ZNF354B: variants seen among roughly 807,000 people sequenced by gnomAD.
ZNF354B encodes zinc finger protein 354B.
In ZNF354B, 10 loss-of-function variants were observed where a neutral mutation model predicts 12.9. That is an observed-to-expected ratio of 0.77 (90% CI 0.48 to 1.31). ZNF354B has a LOEUF of 1.31. Ranked by LOEUF, ZNF354B falls within the 40% of genes most tolerant of loss-of-function variation. ZNF354B has a pLI of 0.00. For missense variants in ZNF354B, 614 were observed against 711.7 expected (o/e 0.86, Z 1.56); for synonymous variants, 260 against 243.7 (o/e 1.07, Z -0.62).
At chr5:178,872,622 A>G (rs78977769) in intron 4 of ZNF354B, among the ~76,000 whole-genome samples, 49,976 of 151,992 alleles carry the variant, frequency 0.33, 8,576 homozygotes, top group African/African-American at 0.36. Context: ...GAATGATCCA[A>G]TGTTGTTACA....
intron 3 of ZNF354B, 84 bp downstream of exon 3, chr5:178,866,454 C>G (rs1757457961): frequency 1.3e-6 from 2 of 1,525,864 alleles, no homozygotes; most frequent in Middle Eastern, 1.8e-4. Context: ...CAGTTGATCA[C>G]TGAAAAATTT....
At chr5:178,880,713 T>C (rs988152165) in intron 4 of ZNF354B, among the ~76,000 whole-genome samples, 1 of 151,802 alleles carries the variant, frequency 6.6e-6, no homozygotes, top group African/African-American at 2.4e-5. Context: ...CAGGCTGATC[T>C]CGAACTCCTA....
chr5:178,882,812 A>G lies in ZNF354B; in HGVS notation c.360A>G (p.Ile120Met). The G allele has an allele frequency of 6.2e-7, 1 of 1,604,748 alleles. No homozygotes were observed. Among genetic ancestry groups the G allele is most frequent in the South Asian group, 1.1e-5 (1 of 87,634 alleles). ...AAAGGGATGAACCCTGGAACTTCATATCAGAAAGATCCTGCATATATGAAG... is the reference window on the plus strand; with the variant it reads ...AAAGGGATGAACCCTGGAACTTCATGTCAGAAAGATCCTGCATATATGAAG... ...RLKRDEPWNFISERSCIYEEK... is the reference protein window; with the variant it reads ...RLKRDEPWNFMSERSCIYEEK... Residue 120 changes from isoleucine to methionine, a missense_variant, in exon 5 of 5, where the codon ATA becomes ATG. By Grantham distance (10) the Ile-to-Met change is conservative. Coordinates refer to ENST00000322434, the MANE Select transcript of ZNF354B (RefSeq NM_058230.3).
rs141499272 is a variant in ZNF354B at position 178,865,849 on chromosome 5, G to GT, written c.34-386dup. On this transcript the variant is annotated intron_variant, in intron 2 of 4. Coordinates refer to ENST00000322434, the MANE Select transcript of ZNF354B (RefSeq NM_058230.3). ...TCAGTGAGTATTTAGGTTGTTTCCT[G>GT]TTTTTTTTTGCTACTAACACCATGA... 9.5e-4 allele frequency among the ~76,000 whole-genome samples: 143 copies of GT among 150,432 alleles called. 1 individual carries two copies. Among genetic ancestry groups the GT allele is most frequent in the South Asian group, 5.7e-3 (27 of 4,728 alleles).
chr5:178,877,800 C>T (rs1031677219), intron 4 of ZNF354B, among the ~76,000 whole-genome samples: 1 of 152,152 alleles, frequency 6.6e-6, no homozygotes, highest in Non-Finnish European at 1.5e-5. Flanking sequence ...CTTGACTGGC[C>T]AGGCCTTCCC....
intron 2 of ZNF354B, among the ~76,000 whole-genome samples, chr5:178,862,029 A>G (rs1398957920): frequency 6.6e-6 from 1 of 152,086 alleles, no homozygotes; most frequent in Non-Finnish European, 1.5e-5. Flanking sequence ...GTAGATAGAA[A>G]CTGCTGTACA....
chr5:178,865,800 G>GT (rs1757438814), intron 2 of ZNF354B, among the ~76,000 whole-genome samples: 3 of 152,034 alleles, frequency 2.0e-5, no homozygotes, highest in Non-Finnish European at 2.9e-5. Context: ...AGGTAGTGCC[G>GT]TAAGTTATTT....
chr5:178,881,453 T>C (rs1235921644), intron 4 of ZNF354B, among the ~76,000 whole-genome samples: 2 of 152,194 alleles, frequency 1.3e-5, no homozygotes, highest in East Asian at 3.8e-4. Flanking sequence ...CATCCAAGAA[T>C]AGGAGAGGTG....
intron 4 of ZNF354B, among the ~76,000 whole-genome samples, chr5:178,871,986 T>C (rs898323361): frequency 2.0e-5 from 3 of 152,204 alleles, no homozygotes; most frequent in Non-Finnish European, 4.4e-5. Flanking sequence ...TCTATGTCCC[T>C]TATACTCATT....
In ZNF354B at chr5:178,883,105, C is replaced by G; in HGVS notation, c.653C>G (p.Thr218Arg). The change falls in exon 5 of 5, where the codon ACA becomes AGA. Residue 218 changes from threonine (T) to arginine (R), a missense_variant. Coordinates refer to ENST00000322434, the MANE Select transcript of ZNF354B (RefSeq NM_058230.3). ...KTAEKRYKCS[T>R]CEKAFIHNSS... ...GCAGAGAAACGCTATAAATGCAGTA[C>G]ATGTGAAAAAGCCTTCATTCACAAT... The G allele has an allele frequency of 6.2e-7, 1 of 1,610,644 alleles. No homozygotes were observed. The highest frequency in any genetic ancestry group is 8.5e-7 in the Non-Finnish European group (1 of 1,179,254).
At chr5:178,878,166 G>A (rs972509360) in intron 4 of ZNF354B, among the ~76,000 whole-genome samples, 13 of 151,976 alleles carry the variant, frequency 8.6e-5, no homozygotes, top group South Asian at 6.2e-4. Context: ...GGCGGATCAC[G>A]AGGTCAGGAG....
intron 2 of ZNF354B, among the ~76,000 whole-genome samples, chr5:178,862,328 G>A (rs1271699403): frequency 6.6e-6 from 1 of 150,954 alleles, no homozygotes; most frequent in African/African-American, 2.4e-5. Flanking sequence ...ATGCAGCCAC[G>A]CGATACCAGA....
intron 4 of ZNF354B, among the ~76,000 whole-genome samples, chr5:178,874,746 G>A (rs1005790023): frequency 6.6e-6 from 1 of 152,230 alleles, no homozygotes; most frequent in Admixed American, 6.5e-5. Context: ...CATTTCAGCC[G>A]CTTAGGAGCC....
intron 4 of ZNF354B, among the ~76,000 whole-genome samples, chr5:178,876,956 A>T (rs1757647573): frequency 6.8e-6 from 1 of 147,108 alleles, no homozygotes; most frequent in Non-Finnish European, 1.5e-5. Context: ...ACAGTGTTGC[A>T]ACTCGGGATC....
chr5:178,867,701 G>A (rs998484475), intron 4 of ZNF354B, among the ~76,000 whole-genome samples: 2 of 152,110 alleles, frequency 1.3e-5, no homozygotes, highest in Non-Finnish European at 2.9e-5. Context: ...TTGTTGGGAC[G>A]CCACCATTTA....
At chr5:178,872,777 T>G (rs575376977) in intron 4 of ZNF354B, among the ~76,000 whole-genome samples, 3 of 152,320 alleles carry the variant, frequency 2.0e-5, no homozygotes, top group African/African-American at 7.2e-5. Context: ...GCCATTTGTA[T>G]TTCCTTTTTT....
Position 178,884,626 on chromosome 5 carries a change from AACT to A in ZNF354B, c.*340_*342del, listed in dbSNP as rs530448228. 4.7e-3 allele frequency: 833 copies of A among 176,058 alleles called. 7 individuals are homozygous for A. Among genetic ancestry groups the A allele is most frequent in the African/African-American group, 0.018 (760 of 42,406 alleles). 10.9% of individuals were successfully genotyped at this position (176,058 alleles called of 1,614,324 possible). A position where few individuals can be genotyped will look rare whatever the true frequency, so the allele number is the denominator to read the frequency against. ...TTTTCATTAGAAAAACATTTGTATA[AACT>A]ACTATTATATAAATATAAGCATATT... On this transcript the variant is annotated 3_prime_UTR_variant, in exon 5 of 5. Transcript: ENST00000322434.
intron 4 of ZNF354B, among the ~76,000 whole-genome samples, chr5:178,868,730 T>G (rs895360846): frequency 2.6e-5 from 4 of 152,042 alleles, no homozygotes; most frequent in African/African-American, 9.7e-5. Context: ...CCGAGCACTT[T>G]GGGAGGCCGA....
rs1757775337 is a variant in ZNF354B, at chr5:178,884,658, T to G, written c.*367T>G. The G allele has an allele frequency of 6.2e-6, 1 of 160,752 alleles. No homozygotes were observed. The allele number at this position is 160,752 out of a possible 1,614,324, so 10.0% of individuals were successfully genotyped here. A position where few individuals can be genotyped will look rare whatever the true frequency, so the allele number is the denominator to read the frequency against. On this transcript the variant is annotated 3_prime_UTR_variant, in exon 5 of 5. Transcript: ENST00000322434. Reference sequence around the variant, plus strand: ...ATTATATAAATATAAGCATATTTATTACAGCAAACATTTTAATAGCAAACA... The same window carrying G: ...ATTATATAAATATAAGCATATTTATGACAGCAAACATTTTAATAGCAAACA...
Sources: allele counts gnomAD v4.1 joint callset (sites outside exome capture counted in the v4.1 genomes callset), GRCh38; gene constraint gnomAD v4.1.1; transcripts MANE v1.5; gene names NCBI Gene and HGNC (gene_info 2026-07-23, HGNC 2026-07-21).